UGP2: variants seen among roughly 807,000 people sequenced by gnomAD.
UGP2 encodes UDP-glucose pyrophosphorylase 2, also known as UTP--glucose-1-phosphate uridylyltransferase.
In UGP2, 40 loss-of-function variants were observed where a neutral mutation model predicts 49.0. The observed-to-expected ratio is 0.82, with a 90% confidence interval of 0.63 to 1.06. The LOEUF is 1.06. Ranked by LOEUF, UGP2 falls within the 50% of genes least tolerant of loss-of-function variation. UGP2 has a pLI of 0.00. For synonymous variants in UGP2, 225 were observed against 213.0 expected, an observed-to-expected ratio of 1.06 and a Z score of -0.49; for missense variants, 460 against 603.5, an observed-to-expected ratio of 0.76 and a Z score of 2.49.
chr2:63,841,961 C>G lies in UGP2; in HGVS notation c.-225C>G, dbSNP rs1428535768. 8.0e-6 allele frequency: 4 copies of G among 499,818 alleles called. No homozygotes were observed. Among genetic ancestry groups the G allele is most frequent in the Admixed American group, 3.9e-5 (1 of 25,576 alleles). 31.0% of individuals were successfully genotyped at this position (499,818 alleles called of 1,614,324 possible). A position where few individuals can be genotyped will look rare whatever the true frequency, so the allele number is the denominator to read the frequency against. The stretch of plus-strand genomic sequence containing the variant: ...GAGTTCCCAAACCGACTCAGTCGCA[C>G]CAAGTTTCCGTCTTTTGGAATTGGG... On this transcript the variant is annotated 5_prime_UTR_variant, in exon 1 of 10. Coordinates refer to ENST00000337130, the MANE Select transcript of UGP2 (RefSeq NM_006759.4).
rs576445702 is a variant in UGP2 at position 63,877,656 on chromosome 2, C to G, written c.256-4810C>G. On this transcript the variant is annotated intron_variant, in intron 3 of 9. Coordinates refer to ENST00000337130, the MANE Select transcript of UGP2 (RefSeq NM_006759.4). ...ATAAACATAAATTTTTACATTTTCT[C>G]TAGAACAGAATGAGTGGAAGATCTT... Among the ~76,000 whole-genome samples the G allele has an allele frequency of 5.3e-5, 8 of 152,222 alleles. No individual in the cohort carries two copies. In the South Asian group the frequency reaches 1.7e-3, roughly 32 times the overall value.
At chr2:63,872,889 C>T (rs1485927372) in intron 3 of UGP2, among the ~76,000 whole-genome samples, 1 of 151,916 alleles carries the variant, frequency 6.6e-6, no homozygotes, top group Non-Finnish European at 1.5e-5. Flanking sequence ...GGTGTTGGTG[C>T]TCTGTATGCC....
intron 8 of UGP2, chr2:63,888,339 T>C (rs1037878753): frequency 1.3e-5 from 2 of 152,232 alleles, no homozygotes; most frequent in African/African-American, 4.8e-5. Context: ...CAGAACAATG[T>C]GTAACACATT....
chr2:63,842,457 T>A, intron 1 of UGP2: 2 of 1,544,648 alleles, frequency 1.3e-6, no homozygotes, highest in South Asian at 2.3e-5. Context: ...ACCGTCGCTT[T>A]CCTGGATAGT....
At chr2:63,871,650 C>A (rs1173409395) in intron 3 of UGP2, among the ~76,000 whole-genome samples, 2 of 152,212 alleles carry the variant, frequency 1.3e-5, no homozygotes, top group Admixed American at 6.5e-5. Context: ...ATTTCTGTTA[C>A]CAATTACATA....
At chr2:63,887,923 A>G in intron 8 of UGP2, 1 of 356,682 alleles carries the variant, frequency 2.8e-6, no homozygotes. Flanking sequence ...ATCAGTGGGA[A>G]AAGGTTAATT....
At chr2:63,854,831 CAA>C (rs1669280728) in intron 1 of UGP2, 1 of 152,112 alleles carries the variant, frequency 6.6e-6, no homozygotes, top group African/African-American at 2.4e-5. Context: ...AAGAAAGAAA[CAA>C]AGGTTAGAGA....
chr2:63,865,346 A>C (rs1344497505), intron 3 of UGP2, among the ~76,000 whole-genome samples: 1 of 152,190 alleles, frequency 6.6e-6, no homozygotes, highest in Admixed American at 6.5e-5. Context: ...GGAATCAATA[A>C]CACAGGCATG....
At chr2:63,873,837 A>T (rs1225071880) in intron 3 of UGP2, among the ~76,000 whole-genome samples, 2 of 152,336 alleles carry the variant, frequency 1.3e-5, no homozygotes, top group Admixed American at 1.3e-4. Flanking sequence ...AACACAGTAG[A>T]TCTGGAGAGA....
chr2:63,852,031 T>TCTCC lies in UGP2; in HGVS notation c.20-4275_20-4274insCTCC, dbSNP rs1163550920. Among the ~76,000 whole-genome samples, 4 of 152,006 alleles carry TCTCC rather than the reference T, an allele frequency of 2.6e-5. No homozygotes were observed. In the East Asian group the frequency reaches 7.7e-4, roughly 29 times the overall value. ...CTTTCTCCAAAGTGCTGTGACAGAT[T>TCTCC]ATACCCTTATGGCTTACTGGCCAGA... On this transcript the variant is annotated intron_variant, in intron 1 of 9. Transcript: ENST00000337130.
intron 3 of UGP2, among the ~76,000 whole-genome samples, chr2:63,862,014 G>A (rs1411270754): frequency 1.3e-5 from 2 of 151,868 alleles, no homozygotes; most frequent in East Asian, 3.9e-4. Flanking sequence ...GTGAACCGTA[G>A]TACACTGTGC....
At chr2:63,856,560 A>C in intron 2 of UGP2, 127 bp downstream of exon 2, 1 of 1,104,030 alleles carries the variant, frequency 9.1e-7, no homozygotes, top group Non-Finnish European at 1.3e-6. Flanking sequence ...AACATCAAAA[A>C]CAAAAAAATT....
intron 3 of UGP2, among the ~76,000 whole-genome samples, chr2:63,874,820 T>C (rs1033213664): frequency 2.6e-5 from 4 of 151,840 alleles, no homozygotes; most frequent in Non-Finnish European, 4.4e-5. Context: ...TTTTCTTGCT[T>C]CCCACCATGT....
In UGP2 at chr2:63,891,411, T is replaced by C. The variant is rs1672152992; in HGVS notation, c.*184T>C. On this transcript the variant is annotated 3_prime_UTR_variant, in exon 10 of 10. Transcript: ENST00000337130. ...AGCACAGATGGAGCAATACTTTCCTTCTTTGAAGAGAATCCCAAAAGTTAG... is the reference window on the plus strand; with the variant it reads ...AGCACAGATGGAGCAATACTTTCCTCCTTTGAAGAGAATCCCAAAAGTTAG... 1 of 411,506 alleles carries C rather than the reference T, an allele frequency of 2.4e-6. No individual in the cohort carries two copies. The highest frequency in any genetic ancestry group is 7.3e-5 in the South Asian group (1 of 13,694). 25.5% of individuals were successfully genotyped at this position (411,506 alleles called of 1,614,324 possible). A position where few individuals can be genotyped will look rare whatever the true frequency, so the allele number is the denominator to read the frequency against.
chr2:63,867,822 G>C (rs889292238), intron 3 of UGP2, among the ~76,000 whole-genome samples: 2 of 152,086 alleles, frequency 1.3e-5, no homozygotes, highest in Non-Finnish European at 2.9e-5. Context: ...CAAATGTGTT[G>C]TTAGTCTGCA....
chr2:63,850,972 C>T (rs1385681149), intron 1 of UGP2, among the ~76,000 whole-genome samples: 1 of 152,082 alleles, frequency 6.6e-6, no homozygotes, highest in Non-Finnish European at 1.5e-5. Flanking sequence ...CAGCTGTGAA[C>T]ATTACAGACA....
At chr2:63,888,066 T>G (rs973037712) in intron 8 of UGP2, 1 of 163,426 alleles carries the variant, frequency 6.1e-6, no homozygotes, top group Admixed American at 5.8e-5. Context: ...GAAAGGATGA[T>G]AAGTAAGTAA....
At chr2:63,856,770 C>T (rs1558938730) in intron 2 of UGP2, 3 of 467,072 alleles carry the variant, frequency 6.4e-6, no homozygotes, top group Non-Finnish European at 8.5e-6. Flanking sequence ...CTTCATATGT[C>T]CTGCATGCCT....
At chr2:63,889,660 T>C (rs1402043595) in intron 8 of UGP2, 2 of 155,230 alleles carry the variant, frequency 1.3e-5, no homozygotes, top group East Asian at 1.9e-4. Context: ...TAATTTGTGC[T>C]GTTGCTCTTC....
Sources: gnomAD v4.1 joint callset for allele counts (sites outside exome capture counted in the v4.1 genomes callset) on GRCh38, gnomAD v4.1.1 for gene constraint, MANE v1.5 for transcripts, NCBI Gene and HGNC (gene_info 2026-07-23, HGNC 2026-07-21) for gene names.